Variants in RNF2 observed in about 807,000 individuals in gnomAD.
The protein encoded by RNF2 is ring finger protein 2, also known as E3 ubiquitin-protein ligase RING2.
A neutral mutation model predicts 37.2 loss-of-function variants in RNF2; 6 were observed. The observed-to-expected ratio is 0.16, with a 90% CI of 0.09 to 0.32. RNF2 has a LOEUF of 0.32. RNF2 is among the 10% of genes least tolerant of loss of function. The pLI is 1.00. For synonymous variants in RNF2, 133 were observed against 132.7 expected (o/e 1.00, Z -0.02); for missense variants, 251 against 404.0 (o/e 0.62, Z 3.25).
intron 2 of RNF2, among the ~76,000 whole-genome samples, chr1:185,088,336 G>A (rs1031201141): frequency 6.6e-6 from 1 of 152,056 alleles, no homozygotes; most frequent in African/African-American, 2.4e-5. Flanking sequence ...GATTGAGAGA[G>A]AGGGGGGATT....
intron 1 of RNF2, among the ~76,000 whole-genome samples, chr1:185,068,204 A>T (rs992965125): frequency 1.3e-5 from 2 of 152,198 alleles, no homozygotes; most frequent in African/African-American, 4.8e-5. Context: ...TGTATGCAGG[A>T]TAAAGACTTA....
At chr1:185,052,766 C>T (rs1261162603) in intron 1 of RNF2, among the ~76,000 whole-genome samples, 2 of 152,100 alleles carry the variant, frequency 1.3e-5, no homozygotes, top group Non-Finnish European at 2.9e-5. Context: ...GGCATAGGCT[C>T]CTTGAATTTT....
intron 1 of RNF2, among the ~76,000 whole-genome samples, chr1:185,073,930 T>G (rs1651064363): frequency 1.3e-5 from 2 of 152,166 alleles, no homozygotes; most frequent in Admixed American, 1.3e-4. Context: ...AAGGGATCAG[T>G]CCCACAAGAG....
chr1:185,054,002 C>T (rs1650352005), intron 1 of RNF2, among the ~76,000 whole-genome samples: 1 of 152,150 alleles, frequency 6.6e-6, no homozygotes, highest in Admixed American at 6.5e-5. Flanking sequence ...CATTCCCCCC[C>T]CACCCAGTGT....
At chr1:185,068,552 C>CT (rs934106869) in intron 1 of RNF2, among the ~76,000 whole-genome samples, 1 of 152,214 alleles carries the variant, frequency 6.6e-6, no homozygotes, top group African/African-American at 2.4e-5. Flanking sequence ...CCAAGGCATA[C>CT]TGGCATTTGC....
At chr1:185,062,628 TA>T (rs1650644405) in intron 1 of RNF2, among the ~76,000 whole-genome samples, 1 of 151,878 alleles carries the variant, frequency 6.6e-6, no homozygotes, top group Non-Finnish European at 1.5e-5. Flanking sequence ...AAAAGTACAT[TA>T]AAAATATATA....
At chr1:185,097,927 TG>T in intron 4 of RNF2, 144 bp from the exon 5 acceptor site, 1 of 803,834 alleles carries the variant, frequency 1.2e-6, no homozygotes, top group Non-Finnish European at 1.9e-6. Flanking sequence ...CAGGAACATG[TG>T]GGAAACAATA....
chr1:185,078,725 C>A (rs1651250624), intron 1 of RNF2, among the ~76,000 whole-genome samples: 2 of 152,068 alleles, frequency 1.3e-5, no homozygotes, highest in Admixed American at 1.3e-4. Context: ...GCCTGGCCAA[C>A]ATGGTGAAAC....
chr1:185,069,805 TC>T lies in RNF2; in HGVS notation c.-2-17744del, dbSNP rs1650914101. On this transcript the variant is annotated intron_variant, in intron 1 of 6. Transcript: ENST00000367510. ...TATCTCTGTTCAGTATGCTTCTTTT[TC>T]CCTTAAGCTTCCAGGAACCAAATAT... is the stretch of plus-strand genomic sequence containing the variant. Among the ~76,000 whole-genome samples the T allele has an allele frequency of 2.6e-5, 4 of 152,214 alleles. No individual in the cohort carries two copies. In the South Asian group the frequency reaches 8.3e-4, roughly 31 times the overall value.
chr1:185,062,241 A>T (rs1650628290), intron 1 of RNF2, among the ~76,000 whole-genome samples: 1 of 152,156 alleles, frequency 6.6e-6, no homozygotes, highest in Non-Finnish European at 1.5e-5. Context: ...CTTATTAAGG[A>T]ATTTATACAC....
At chr1:185,099,490 C>T (rs1286688303) in intron 5 of RNF2, among the ~76,000 whole-genome samples, 1 of 152,014 alleles carries the variant, frequency 6.6e-6, no homozygotes, top group Non-Finnish European at 1.5e-5. Flanking sequence ...TTTTTTTCCC[C>T]TTAGTACTTT....
At chr1:185,086,095 T>C (rs1651589116) in intron 1 of RNF2, among the ~76,000 whole-genome samples, 1 of 152,204 alleles carries the variant, frequency 6.6e-6, no homozygotes, top group African/African-American at 2.4e-5. Context: ...CTCTGTTGGA[T>C]TGATAATCTC....
chr1:185,074,341 G>T (rs1231102160), intron 1 of RNF2, among the ~76,000 whole-genome samples: 2 of 152,086 alleles, frequency 1.3e-5, no homozygotes, highest in East Asian at 3.9e-4. Context: ...CCTCTTTAGT[G>T]GTAGGGGTAG....
intron 1 of RNF2, among the ~76,000 whole-genome samples, chr1:185,054,947 G>T (rs920995569): frequency 6.6e-6 from 1 of 152,166 alleles, no homozygotes; most frequent in Non-Finnish European, 1.5e-5. Context: ...CAGTCCGCCT[G>T]CCTCGGCCTT....
At chr1:185,080,766 T>C (rs1651322159) in intron 1 of RNF2, among the ~76,000 whole-genome samples, 1 of 152,230 alleles carries the variant, frequency 6.6e-6, no homozygotes, top group African/African-American at 2.4e-5. Flanking sequence ...GCCACAGGAA[T>C]ACAGATATCC....
At chr1:185,085,062 C>T (rs1651540692) in intron 1 of RNF2, among the ~76,000 whole-genome samples, 1 of 151,900 alleles carries the variant, frequency 6.6e-6, no homozygotes, top group African/African-American at 2.4e-5. Flanking sequence ...ACTGCTCTTC[C>T]AACGCATACT....
At chr1:185,065,593 T>C (rs2102165997) in intron 1 of RNF2, among the ~76,000 whole-genome samples, 1 of 152,236 alleles carries the variant, frequency 6.6e-6, no homozygotes, top group Non-Finnish European at 1.5e-5. Context: ...TTAAGAGCTG[T>C]AACACTCACT....
Position 185,098,757 on chromosome 1 carries a change from C to CT in RNF2, c.737+426dup, listed in dbSNP as rs111908854. 5.4e-3 allele frequency among the ~76,000 whole-genome samples: 790 copies of CT among 146,446 alleles called. 6 individuals are homozygous for CT. The highest frequency in any genetic ancestry group is 0.015 in the African/African-American group (585 of 40,236). On this transcript the variant is annotated intron_variant, in intron 5 of 6. Transcript: ENST00000367510. ...TATGTTTTAAAAATCCTCAAATTAA[C>CT]TTTTTTTTTTTTTGAGATGGAGCCT...
intron 1 of RNF2, chr1:185,072,146 G>C (rs1650994920): frequency 6.6e-6 from 1 of 152,288 alleles, no homozygotes; most frequent in South Asian, 2.1e-4. Context: ...GGAGGTAGCA[G>C]GGGGCTGACT....
Sources: gnomAD v4.1 joint callset for allele counts (sites outside exome capture counted in the v4.1 genomes callset) on GRCh38, gnomAD v4.1.1 for gene constraint, MANE v1.5 for transcripts, NCBI Gene and HGNC (gene_info 2026-07-23, HGNC 2026-07-21) for gene names.